Variants in KLHL1 observed in about 807,000 individuals in gnomAD.
KLHL1 encodes the protein kelch-like protein 1.
A neutral mutation model predicts 77.7 loss-of-function variants in KLHL1; 47 were observed. The ratio of observed to expected loss-of-function variants is 0.60; its 90% confidence interval spans 0.48 to 0.77. KLHL1 has a LOEUF of 0.77. Among genes scored for constraint, KLHL1 ranks in the 30% least tolerant of loss-of-function variants. The pLI, the probability that KLHL1 is intolerant of heterozygous loss-of-function variation, is 0.00. For synonymous variants in KLHL1, 360 were observed against 325.2 expected (o/e 1.11, Z -1.15); for missense variants, 925 against 910.8 (o/e 1.02, Z -0.20).
At position 69,795,232 on chromosome 13, in the gene KLHL1, C is replaced by G. The variant is rs145597626; in HGVS notation, c.1639+1506G>C. Among the ~76,000 whole-genome samples the G allele has an allele frequency of 2.2e-3, 330 of 152,314 alleles. 2 individuals are homozygous for G. The highest frequency in any genetic ancestry group is 4.6e-3 in the Admixed American group (70 of 15,294). ...TTGTCAGTCATCTTTCCTTCTCTCT[C>G]TCTTTCCTTTTCTCTCTCTTCCCCC... On this transcript the variant is annotated intron_variant, in intron 7 of 10. Coordinates refer to ENST00000377844, the MANE Select transcript of KLHL1 (RefSeq NM_020866.3).
At chr13:70,015,466 T>C (rs1885634557) in intron 1 of KLHL1, among the ~76,000 whole-genome samples, 1 of 152,194 alleles carries the variant, frequency 6.6e-6, no homozygotes, top group South Asian at 2.1e-4. Context: ...CACATAAAAA[T>C]GGCCCATGAT....
chr13:69,922,312 T>C (rs1026362774), intron 4 of KLHL1, among the ~76,000 whole-genome samples: 10 of 152,018 alleles, frequency 6.6e-5, no homozygotes, highest in Non-Finnish European at 8.8e-5. Context: ...AGATAAGGCA[T>C]ATTTGGTAGA....
rs41283968 is a variant in KLHL1, at chr13:69,700,997, A to C, written c.*705T>G. On this transcript the variant is annotated 3_prime_UTR_variant, in exon 11 of 11. Transcript: ENST00000377844. ...TCAGTGTGTTAAAAAAGCAAAGCAA[A>C]ATGGTAAGCCTAGTGAAAACAATCC... The C allele has an allele frequency of 0.12, 17,670 of 152,304 alleles. 1,701 individuals carry two copies. The highest frequency in any genetic ancestry group is 0.27 in the African/African-American group (11,087 of 41,444). 9.4% of individuals were successfully genotyped at this position (152,304 alleles called of 1,614,324 possible).
chr13:69,714,889 C>T (rs1047987822), intron 9 of KLHL1, among the ~76,000 whole-genome samples: 1 of 152,172 alleles, frequency 6.6e-6, no homozygotes, highest in East Asian at 1.9e-4. Context: ...CCACTGCACC[C>T]GGCCGATATC....
intron 1 of KLHL1, among the ~76,000 whole-genome samples, chr13:70,095,739 T>C (rs1167438378): frequency 2.0e-5 from 3 of 152,232 alleles, no homozygotes; most frequent in South Asian, 4.1e-4. Context: ...TATTGTTAAC[T>C]ATAGTCATCC....
chr13:70,094,633 G>A (rs1887746250), intron 1 of KLHL1, among the ~76,000 whole-genome samples: 1 of 152,068 alleles, frequency 6.6e-6, no homozygotes, highest in South Asian at 2.1e-4. Flanking sequence ...TAAAGCAAGA[G>A]GAGCCATTTT....
intron 6 of KLHL1, among the ~76,000 whole-genome samples, chr13:69,814,365 A>T (rs1878030654): frequency 6.6e-6 from 1 of 152,192 alleles, no homozygotes; most frequent in Admixed American, 6.5e-5. Context: ...CTATGTCCTG[A>T]AAAGCAAATG....
chr13:69,987,047 C>A (rs1490565931), intron 1 of KLHL1, among the ~76,000 whole-genome samples: 3 of 151,582 alleles, frequency 2.0e-5, no homozygotes, highest in Non-Finnish European at 4.4e-5. Flanking sequence ...AGCTGTACAC[C>A]AAACTATTTG....
intron 1 of KLHL1, among the ~76,000 whole-genome samples, chr13:70,010,386 C>T (rs1045143012): frequency 3.3e-5 from 5 of 151,982 alleles, no homozygotes; most frequent in Non-Finnish European, 7.4e-5. Flanking sequence ...AAAAAGTTTG[C>T]TTTGGGGCAT....
At chr13:69,788,945 C>A (rs1257570495) in intron 7 of KLHL1, among the ~76,000 whole-genome samples, 1 of 150,362 alleles carries the variant, frequency 6.7e-6, no homozygotes, top group Admixed American at 6.6e-5. Flanking sequence ...AGTCATAGTT[C>A]TAACACTGTT....
chr13:69,964,873 C>T (rs1352755557), intron 2 of KLHL1, among the ~76,000 whole-genome samples: 1 of 151,970 alleles, frequency 6.6e-6, no homozygotes, highest in Non-Finnish European at 1.5e-5. Context: ...TTTCCATTGA[C>T]TGATTTTTGT....
chr13:69,750,500 A>G (rs1014264882), intron 7 of KLHL1, among the ~76,000 whole-genome samples: 2 of 151,780 alleles, frequency 1.3e-5, no homozygotes, highest in African/African-American at 4.8e-5. Context: ...TATTAAATAT[A>G]CATGTATGTG....
At position 69,985,600 on chromosome 13, in the gene KLHL1, GAC is replaced by G. The variant is rs1593651357; in HGVS notation, c.498-9800_498-9799del. Among the ~76,000 whole-genome samples, 3 of 151,380 alleles carry G rather than the reference GAC, an allele frequency of 2.0e-5. No individual in the cohort carries two copies. The East Asian group carries it at 5.8e-4, about 29-fold the overall frequency. The stretch of plus-strand genomic sequence containing the variant: ...GTATGGAGACTCTTAAGAAAAAACA[GAC>G]TACCATATGATCCAGCAATTCCACT... On this transcript the variant is annotated intron_variant, in intron 1 of 10. Transcript: ENST00000377844.
At chr13:70,058,411 A>T (rs909140840) in intron 1 of KLHL1, among the ~76,000 whole-genome samples, 1 of 152,202 alleles carries the variant, frequency 6.6e-6, no homozygotes, top group African/African-American at 2.4e-5. Flanking sequence ...TACAAAAATC[A>T]CTAGCATTTA....
chr13:69,735,030 A>T (rs1362254447), intron 8 of KLHL1, among the ~76,000 whole-genome samples: 1 of 152,084 alleles, frequency 6.6e-6, no homozygotes, highest in Non-Finnish European at 1.5e-5. Flanking sequence ...GGAATGCAAA[A>T]ATTAAAGAAT....
chr13:69,759,285 C>A (rs1874908641), intron 7 of KLHL1, among the ~76,000 whole-genome samples: 1 of 152,116 alleles, frequency 6.6e-6, no homozygotes, highest in Admixed American at 6.6e-5. Flanking sequence ...TCTGGGGGTG[C>A]CCAGCAGCCA....
chr13:70,032,045 A>C (rs1886114575), intron 1 of KLHL1, among the ~76,000 whole-genome samples: 1 of 152,214 alleles, frequency 6.6e-6, no homozygotes, highest in Non-Finnish European at 1.5e-5. Flanking sequence ...TGGGCAAGTC[A>C]ATAATTTACC....
intron 8 of KLHL1, among the ~76,000 whole-genome samples, chr13:69,726,471 C>T (rs763301056): frequency 1.3e-5 from 2 of 152,152 alleles, no homozygotes; most frequent in Non-Finnish European, 2.9e-5. Context: ...TGGGATTTCA[C>T]TAAGCTACAA....
chr13:69,867,947 A>G (rs1880433173), intron 5 of KLHL1, among the ~76,000 whole-genome samples: 1 of 151,984 alleles, frequency 6.6e-6, no homozygotes, highest in Admixed American at 6.6e-5. Context: ...AAACATGTAT[A>G]CATATGTAAC....
Sources: gnomAD v4.1 joint callset for allele counts (sites outside exome capture counted in the v4.1 genomes callset) on GRCh38, gnomAD v4.1.1 for gene constraint, MANE v1.5 for transcripts, NCBI Gene and HGNC (gene_info 2026-07-23, HGNC 2026-07-21) for gene names.